The following SCARB2 variants were observed in gnomAD, a reference collection of about 807,000 sequenced individuals.
The protein encoded by SCARB2 is scavenger receptor class B member 2.
In SCARB2, 29 loss-of-function variants were observed where a neutral mutation model predicts 58.6. The ratio of observed to expected loss-of-function variants is 0.49; its 90% CI spans 0.37 to 0.67. The LOEUF (loss-of-function observed/expected upper bound fraction) is 0.67. SCARB2 is among the 30% of genes least tolerant of loss of function. SCARB2 has a pLI of 0.00. For synonymous variants in SCARB2, 195 were observed against 210.1 expected, an observed-to-expected ratio of 0.93 and a Z score of 0.62; for missense variants, 488 against 578.5, an observed-to-expected ratio of 0.84 and a Z score of 1.60.
At chr4:76,201,613 A>G (rs1362175065) in intron 1 of SCARB2, among the ~76,000 whole-genome samples, 1 of 152,184 alleles carries the variant, frequency 6.6e-6, no homozygotes, top group Admixed American at 6.5e-5. Flanking sequence ...AAAAGTCTGA[A>G]TTTCAGTACT....
At chr4:76,189,428 G>A (rs796474876) in intron 2 of SCARB2, among the ~76,000 whole-genome samples, 18 of 152,206 alleles carry the variant, frequency 1.2e-4, no homozygotes, top group Non-Finnish European at 2.2e-4. Flanking sequence ...CCTTTTTCAC[G>A]TGGCAGCAGC....
chr4:76,228,411 G>A (rs1174359284), intron 1 of SCARB2, among the ~76,000 whole-genome samples: 1 of 151,674 alleles, frequency 6.6e-6, no homozygotes, highest in Non-Finnish European at 1.5e-5. Flanking sequence ...CCCGGAAGGT[G>A]AAGGTTACAG....
In SCARB2 at chr4:76,161,717, GT is replaced by G. The variant is rs756112626; in HGVS notation, c.1432del (p.Thr478ProfsTer16). 1 of 1,614,162 alleles carries G rather than the reference GT, an allele frequency of 6.2e-7. No individual in the cohort carries two copies. Among genetic ancestry groups the G allele is most frequent in the Admixed American group, 1.7e-5 (1 of 60,032 alleles). ...TTCACCAAGCAAAGGCAATGTTTAG[GT>G]TCGAATGAGGGGTGCTCTTTCATCC... ...TADERAPLIR[T>X] On this transcript the variant is annotated frameshift_variant, in exon 12 of 12. Coordinates refer to ENST00000264896, the MANE Select transcript of SCARB2 (RefSeq NM_005506.4). LOFTEE classifies it high-confidence loss of function.
At chr4:76,212,826 C>T (rs1733083746) in intron 1 of SCARB2, among the ~76,000 whole-genome samples, 1 of 152,154 alleles carries the variant, frequency 6.6e-6, no homozygotes, top group Non-Finnish European at 1.5e-5. Context: ...AACAAGAATT[C>T]ATGGTGAGAC....
intron 9 of SCARB2, chr4:76,166,571 G>T (rs922911522): frequency 2.3e-5 from 12 of 532,734 alleles, no homozygotes; most frequent in Non-Finnish European, 3.4e-5. Context: ...AGTCATCAGG[G>T]AAGGCTCCAG....
At chr4:76,163,879 A>ACTGGG (rs1731948716) in intron 10 of SCARB2, 2 of 226,706 alleles carry the variant, frequency 8.8e-6, no homozygotes, top group South Asian at 1.3e-4. Context: ...TCACCTCCAC[A>ACTGGG]CTGGGTATAG....
intron 1 of SCARB2, among the ~76,000 whole-genome samples, chr4:76,198,378 G>C (rs917646700): frequency 3.9e-5 from 6 of 152,230 alleles, no homozygotes; most frequent in Admixed American, 2.0e-4. Context: ...CAAGTGGAAG[G>C]GTTTCCAGAA....
chr4:76,172,394 T>TATA (rs1442683116), intron 7 of SCARB2, among the ~76,000 whole-genome samples: 1 of 151,986 alleles, frequency 6.6e-6, no homozygotes, highest in African/African-American at 2.4e-5. Context: ...TATCTGGAAC[T>TATA]ATAGGTGTAT....
At position 76,233,784 on chromosome 4, in the gene SCARB2, C is replaced by T. The variant is rs372675394; in HGVS notation, c.-358+519G>A. On this transcript the variant is annotated intron_variant, in intron 1 of 11. Coordinates refer to the SCARB2 transcript ENST00000638295. The stretch of plus-strand genomic sequence containing the variant: ...CCTATCAAGCAGTTACAGGCAGTGC[C>T]CCCAATATGTAAAACCAGATGAAGG... 1.6e-4 allele frequency among the ~76,000 whole-genome samples: 25 copies of T among 152,202 alleles called. No homozygotes were observed. In the East Asian group the frequency reaches 4.6e-3, roughly 28 times the overall value.
At chr4:76,200,918 C>T (rs1021400075) in intron 1 of SCARB2, among the ~76,000 whole-genome samples, 1 of 152,190 alleles carries the variant, frequency 6.6e-6, no homozygotes, top group Non-Finnish European at 1.5e-5. Context: ...TCCCTCTCTC[C>T]AGCCTTTTTC....
intron 1 of SCARB2, among the ~76,000 whole-genome samples, chr4:76,231,650 T>C (rs767092925): frequency 9.2e-5 from 14 of 152,214 alleles, no homozygotes; most frequent in Non-Finnish European, 1.9e-4. Context: ...GCAAAGGCCT[T>C]TCGGATTGGC....
intron 1 of SCARB2, among the ~76,000 whole-genome samples, chr4:76,209,444 C>T (rs1560721568): frequency 6.6e-6 from 1 of 152,202 alleles, no homozygotes; most frequent in Non-Finnish European, 1.5e-5. Flanking sequence ...TCTTGGCTCA[C>T]TGCAACCTCC....
chr4:76,201,571 AT>A (rs1355618889), intron 1 of SCARB2, among the ~76,000 whole-genome samples: 3 of 152,234 alleles, frequency 2.0e-5, no homozygotes, highest in African/African-American at 7.2e-5. Flanking sequence ...CATATTCTAA[AT>A]AATATGTAAG....
intron 5 of SCARB2, 127 bp from the exon 6 acceptor site, chr4:76,176,037 A>C: frequency 8.6e-7 from 1 of 1,163,242 alleles, no homozygotes; most frequent in East Asian, 2.4e-5. Flanking sequence ...ATACACAGAC[A>C]CAACAGTTTT....
rs1287360059 is a variant in SCARB2, at chr4:76,233,532, T to C, written c.-358+771A>G. On this transcript the variant is annotated intron_variant, in intron 1 of 11. Coordinates refer to the SCARB2 transcript ENST00000638295. ...AAAATATTAGATCTGAGCACTTGTC[T>C]TTCTTTAGGCCAAATTAATTAGAGC... is the stretch of plus-strand genomic sequence containing the variant. Among the ~76,000 whole-genome samples, 7 of 152,084 alleles carry C rather than the reference T, an allele frequency of 4.6e-5. No homozygotes were observed. The East Asian group carries it at 1.4e-3, about 29-fold the overall frequency.
At chr4:76,204,671 T>C (rs1043667494) in intron 1 of SCARB2, among the ~76,000 whole-genome samples, 4 of 150,618 alleles carry the variant, frequency 2.7e-5, no homozygotes, top group African/African-American at 9.8e-5. Flanking sequence ...ATATGGGGAG[T>C]GGGGAGGCGG....
chr4:76,172,724 C>A (rs1013433978), intron 7 of SCARB2: 10 of 151,262 alleles, frequency 6.6e-5, no homozygotes, highest in African/African-American at 2.4e-4. Flanking sequence ...CGCTATGTTG[C>A]CCAGGCTAGA....
At chr4:76,184,537 T>C (rs1447079378) in intron 2 of SCARB2, 1 of 164,006 alleles carries the variant, frequency 6.1e-6, no homozygotes, top group Non-Finnish European at 1.3e-5. Context: ...TGTAAGACCA[T>C]CAGTCAAGGT....
At chr4:76,214,805 C>G (rs887075931), upstream of SCARB2, among the ~76,000 whole-genome samples, 1 of 152,142 alleles carries the variant, frequency 6.6e-6, no homozygotes, top group African/African-American at 2.4e-5. Context: ...TGTGTTTGTC[C>G]CAGTCCTCCA....
Sources: gnomAD v4.1 joint callset for allele counts (sites outside exome capture counted in the v4.1 genomes callset) on GRCh38, gnomAD v4.1.1 for gene constraint, MANE v1.5 for transcripts, NCBI Gene and HGNC (gene_info 2026-07-23, HGNC 2026-07-21) for gene names.